The following ADAMTS17 variants were observed in gnomAD, a reference collection of about 807,000 sequenced individuals.
The protein encoded by ADAMTS17 is ADAM metallopeptidase with thrombospondin type 1 motif 17.
A neutral mutation model predicts 141.5 loss-of-function variants in ADAMTS17; 113 were observed. The observed-to-expected ratio is 0.80, with a 90% CI of 0.69 to 0.93. The LOEUF (loss-of-function observed/expected upper bound fraction) is 0.93, where lower values mean the gene tolerates loss of function less well. Ranked by LOEUF, ADAMTS17 falls within the 40% of genes least tolerant of loss-of-function variation. The pLI, the probability that ADAMTS17 is intolerant of heterozygous loss-of-function variation, is 0.00. For synonymous variants in ADAMTS17, 768 were observed against 630.6 expected, an observed-to-expected ratio of 1.22 and a Z score of -3.27; for missense variants, 1,659 against 1,517.9, an observed-to-expected ratio of 1.09 and a Z score of -1.54.
intron 3 of ADAMTS17, among the ~76,000 whole-genome samples, chr15:100,284,503 G>A (rs1021553043): frequency 6.6e-6 from 1 of 152,190 alleles, no homozygotes; most frequent in African/African-American, 2.4e-5. Flanking sequence ...CCTGGATTTT[G>A]GAACTGCAGG....
chr15:100,238,880 T>C lies in ADAMTS17; in HGVS notation c.1075+15256A>G, dbSNP rs376153585. Among the ~76,000 whole-genome samples the C allele has an allele frequency of 2.0e-3, 308 of 151,566 alleles. 5 individuals carry two copies. In the South Asian group the frequency reaches 0.055, roughly 27 times the overall value. On this transcript the variant is annotated intron_variant, in intron 7 of 21. Transcript: ENST00000268070. ...AGGGCAGAATACTTGAGGTCAGGAG[T>C]TCAAGACCAGCCTGGCCAACCTGAA...
At chr15:100,098,332 C>T (rs2141028988) in intron 14 of ADAMTS17, among the ~76,000 whole-genome samples, 1 of 152,178 alleles carries the variant, frequency 6.6e-6, no homozygotes, top group Admixed American at 6.5e-5. Flanking sequence ...TAGCCAGCTG[C>T]TATCAAGTTG....
intron 7 of ADAMTS17, among the ~76,000 whole-genome samples, chr15:100,246,855 T>G (rs1179905581): frequency 2.0e-5 from 3 of 146,494 alleles, no homozygotes; most frequent in African/African-American, 7.9e-5. Context: ...TTCAAGTGGT[T>G]TGCCCTTTTA....
chr15:100,334,271 T>C (rs1239584655), intron 2 of ADAMTS17, among the ~76,000 whole-genome samples: 1 of 152,202 alleles, frequency 6.6e-6, no homozygotes, highest in Non-Finnish European at 1.5e-5. Flanking sequence ...GCAGTTAAGA[T>C]AACAGAGAAC....
chr15:100,144,727 C>T (rs2038819077), intron 10 of ADAMTS17, among the ~76,000 whole-genome samples: 1 of 151,888 alleles, frequency 6.6e-6, no homozygotes, highest in Non-Finnish European at 1.5e-5. Flanking sequence ...TGAAATCTAT[C>T]CAAGGACCCG....
Position 100,330,892 on chromosome 15 carries a change from T to C in ADAMTS17, c.613A>G (p.Thr205Ala), listed in dbSNP as rs1417073301. The change falls in exon 3 of 22, where the codon ACA becomes GCA. Residue 205 changes from threonine to alanine, a missense_variant. Coordinates refer to ENST00000268070, the MANE Select transcript of ADAMTS17 (RefSeq NM_139057.4). ...QRPEQLCKVL[T>A]EKKKPTWGRP... The stretch of plus-strand genomic sequence containing the variant: ...TCATGCTGCTGCCCCGACTCACCTG[T>C]TAGAACCTTGCAGAGCTGCTCAGGT... 11 of 1,614,046 alleles carry C rather than the reference T, an allele frequency of 6.8e-6. No homozygotes were observed. Among genetic ancestry groups the C allele is most frequent in the Non-Finnish European group, 4.2e-6 (5 of 1,180,020 alleles).
chr15:100,063,647 A>G (rs2141669874), intron 15 of ADAMTS17: 2 of 1,289,116 alleles, frequency 1.6e-6, no homozygotes, highest in African/African-American at 1.5e-5. Context: ...TTCTCAACAC[A>G]TAAATGGTGA....
chr15:100,104,854 T>G (rs529202005), intron 14 of ADAMTS17, among the ~76,000 whole-genome samples: 127 of 152,372 alleles, frequency 8.3e-4, no homozygotes, highest in African/African-American at 2.9e-3. Context: ...CCAGAATGTT[T>G]CATCTTGACA....
At chr15:100,164,090 G>A (rs528517548) in intron 8 of ADAMTS17, among the ~76,000 whole-genome samples, 6 of 152,266 alleles carry the variant, frequency 3.9e-5, no homozygotes, top group Non-Finnish European at 5.9e-5. Flanking sequence ...GGCACCAGGC[G>A]CTAGCTGCTT....
intron 3 of ADAMTS17, among the ~76,000 whole-genome samples, chr15:100,300,134 A>T (rs12591375): frequency 0.057 from 8,635 of 152,144 alleles, 523 homozygotes; most frequent in East Asian, 0.24. Flanking sequence ...CAAATGTGTC[A>T]AATACCTCCA....
chr15:100,105,685 T>A (rs185959353), intron 14 of ADAMTS17, among the ~76,000 whole-genome samples: 57 of 152,128 alleles, frequency 3.7e-4, no homozygotes, highest in Middle Eastern at 3.4e-3. Context: ...GCTAGCTAGC[T>A]CTCTTATTTT....
intron 18 of ADAMTS17, among the ~76,000 whole-genome samples, chr15:100,009,694 A>G (rs566336575): frequency 6.6e-6 from 1 of 152,318 alleles, no homozygotes; most frequent in South Asian, 2.1e-4. Context: ...GGTCTTGTTA[A>G]GAGGAGTTGC....
intron 6 of ADAMTS17, among the ~76,000 whole-genome samples, chr15:100,259,565 A>C (rs1363959215): frequency 6.6e-6 from 1 of 152,204 alleles, no homozygotes; most frequent in Non-Finnish European, 1.5e-5. Flanking sequence ...CTGCTACTAC[A>C]TCAGCCATGT....
At position 100,265,530 on chromosome 15, in the gene ADAMTS17, C is replaced by A. The variant is rs57333814; in HGVS notation, c.790-3095G>T. 5.7e-3 allele frequency among the ~76,000 whole-genome samples: 862 copies of A among 152,312 alleles called. 10 individuals carry two copies. The highest frequency in any genetic ancestry group is 0.024 in the Middle Eastern group (7 of 294). Reference sequence around the variant, plus strand: ...GGGCCTAGCAGGGTGGACCTGCCGCCTGCAGCACACTACGGCTTCTCTGGC... The same window carrying A: ...GGGCCTAGCAGGGTGGACCTGCCGCATGCAGCACACTACGGCTTCTCTGGC... On this transcript the variant is annotated intron_variant, in intron 4 of 21. Transcript: ENST00000268070.
intron 7 of ADAMTS17, among the ~76,000 whole-genome samples, chr15:100,216,263 C>T (rs1476373619): frequency 2.0e-5 from 3 of 152,220 alleles, no homozygotes; most frequent in Non-Finnish European, 4.4e-5. Flanking sequence ...ATTAGTTTGA[C>T]CAAGTCCAAA....
intron 7 of ADAMTS17, among the ~76,000 whole-genome samples, chr15:100,201,873 A>G (rs1378898048): frequency 6.6e-6 from 1 of 152,196 alleles, no homozygotes; most frequent in Non-Finnish European, 1.5e-5. Flanking sequence ...CAAGTCTACC[A>G]GTGAGTAGAT....
rs538008574 is a variant in ADAMTS17 at position 100,226,067 on chromosome 15, G to A, written c.1076-26644C>T. Among the ~76,000 whole-genome samples, 753 of 145,902 alleles carry A rather than the reference G, an allele frequency of 5.2e-3. 9 individuals are homozygous for A. Among genetic ancestry groups the A allele is most frequent in the Middle Eastern group, 0.012 (3 of 254 alleles). On this transcript the variant is annotated intron_variant, in intron 7 of 21. Transcript: ENST00000268070. ...CCCATTCAGTCCTTACAGCAGTCACGGTCTCTGTGCCCATTCAGTCCTTAC... is the reference window on the plus strand; with the variant it reads ...CCCATTCAGTCCTTACAGCAGTCACAGTCTCTGTGCCCATTCAGTCCTTAC...
rs920282113 is a variant in ADAMTS17 at position 100,070,836 on chromosome 15, G to A, written c.2138-16782C>T. 5.4e-5 allele frequency among the ~76,000 whole-genome samples: 8 copies of A among 149,378 alleles called. 1 individual carries two copies. The highest frequency in any genetic ancestry group is 1.5e-4 in the African/African-American group (6 of 40,308). On this transcript the variant is annotated intron_variant, in intron 15 of 21. Coordinates refer to ENST00000268070, the MANE Select transcript of ADAMTS17 (RefSeq NM_139057.4). ...CCTAACATCACAATTAAAAGAACTAGAGAAGCAAGAGCAAACACATTCAAA... is the reference window on the plus strand; with the variant it reads ...CCTAACATCACAATTAAAAGAACTAAAGAAGCAAGAGCAAACACATTCAAA...
chr15:100,236,461 T>C (rs755370180), intron 7 of ADAMTS17, among the ~76,000 whole-genome samples: 1 of 151,936 alleles, frequency 6.6e-6, no homozygotes, highest in Non-Finnish European at 1.5e-5. Context: ...CTCCATGTGA[T>C]CCAGAGGCAT....
Sources: gnomAD v4.1 joint callset for allele counts (sites outside exome capture counted in the v4.1 genomes callset) on GRCh38, gnomAD v4.1.1 for gene constraint, MANE v1.5 for transcripts, NCBI Gene and HGNC (gene_info 2026-07-23, HGNC 2026-07-21) for gene names.